The following HS2ST1 variants were observed in gnomAD, a reference collection of about 807,000 sequenced individuals.
HS2ST1 encodes the protein 2-O-sulfotransferase.
HS2ST1 carries 18 observed loss-of-function variants against 42.9 expected under a neutral mutation model. The observed-to-expected ratio is 0.42, with a 90% CI of 0.29 to 0.62. HS2ST1 has a LOEUF of 0.62. Among genes scored for constraint, HS2ST1 ranks in the 20% least tolerant of loss-of-function variants. The probability of loss-of-function intolerance (pLI) is 0.21; values close to 1 mark genes in which losing one functional copy is unlikely to be tolerated. For missense variants in HS2ST1, 334 were observed against 433.8 expected (o/e 0.77, Z 2.04); for synonymous variants, 146 against 152.9 (o/e 0.95, Z 0.33).
chr1:87,077,453 T>C (rs1225344665), intron 2 of HS2ST1, among the ~76,000 whole-genome samples: 1 of 152,202 alleles, frequency 6.6e-6, no homozygotes, highest in African/African-American at 2.4e-5. Context: ...GTTGGCTTCA[T>C]GTTATCCATT....
In HS2ST1 at chr1:86,980,559, A is replaced by T. The variant is rs1253123253; in HGVS notation, c.124+65399A>T. 5.3e-5 allele frequency among the ~76,000 whole-genome samples: 8 copies of T among 152,250 alleles called. No homozygotes were observed. In the East Asian group the frequency reaches 1.2e-3, roughly 22 times the overall value. Reference sequence around the variant, plus strand: ...ATAATTACATAAACAATAAATTAATAATTTAGGGATGATGTTTAATTTGAC... The same window carrying T: ...ATAATTACATAAACAATAAATTAATTATTTAGGGATGATGTTTAATTTGAC... On this transcript the variant is annotated intron_variant, in intron 1 of 6. Coordinates refer to ENST00000370550, the MANE Select transcript of HS2ST1 (RefSeq NM_012262.4).
chr1:87,093,009 A>G (rs1313857926), intron 4 of HS2ST1, among the ~76,000 whole-genome samples: 1 of 152,006 alleles, frequency 6.6e-6, no homozygotes, highest in Non-Finnish European at 1.5e-5. Context: ...ATGGCAGTTT[A>G]TATTTGTGAT....
intron 1 of HS2ST1, among the ~76,000 whole-genome samples, chr1:87,044,118 G>A (rs1650585757): frequency 1.3e-5 from 2 of 151,852 alleles, no homozygotes; most frequent in Non-Finnish European, 2.9e-5. Context: ...TTTGAAATGC[G>A]GCATTATTTT....
chr1:86,990,832 ATATATTTT>A (rs1557506881), intron 1 of HS2ST1, among the ~76,000 whole-genome samples: 2 of 17,784 alleles, frequency 1.1e-4, no homozygotes, highest in Non-Finnish European at 3.8e-4. Context: ...ATATATATAT[ATATATTTT>A]TTTTTTTTTT....
intron 1 of HS2ST1, among the ~76,000 whole-genome samples, chr1:86,989,653 G>T (rs1377471876): frequency 6.6e-6 from 1 of 152,138 alleles, no homozygotes; most frequent in Non-Finnish European, 1.5e-5. Flanking sequence ...CACGTGCCAT[G>T]GTGGTTTGCA....
chr1:86,931,136 C>T (rs1158126172), intron 1 of HS2ST1, among the ~76,000 whole-genome samples: 2 of 151,946 alleles, frequency 1.3e-5, no homozygotes, highest in Admixed American at 1.3e-4. Flanking sequence ...AGAGTTTTGA[C>T]TATGTACATG....
chr1:87,052,121 C>T (rs937732805), intron 1 of HS2ST1, among the ~76,000 whole-genome samples: 1 of 152,080 alleles, frequency 6.6e-6, no homozygotes, highest in Non-Finnish European at 1.5e-5. Context: ...GGCATGATAG[C>T]GCACACCTGT....
At chr1:86,986,195 T>G (rs1648780982) in intron 1 of HS2ST1, among the ~76,000 whole-genome samples, 2 of 152,146 alleles carry the variant, frequency 1.3e-5, no homozygotes, top group Admixed American at 6.5e-5. Flanking sequence ...TGATTTAAGG[T>G]TTATCAGTGG....
chr1:87,069,177 A>C (rs2100631369), intron 1 of HS2ST1, among the ~76,000 whole-genome samples: 1 of 152,320 alleles, frequency 6.6e-6, no homozygotes, highest in South Asian at 2.1e-4. Flanking sequence ...AAGCAGGCAC[A>C]CTCAGTGTAA....
At chr1:87,095,661 T>A (rs1337764892) in intron 4 of HS2ST1, among the ~76,000 whole-genome samples, 2 of 152,206 alleles carry the variant, frequency 1.3e-5, no homozygotes, top group Admixed American at 6.5e-5. Context: ...TCAGTGGTTC[T>A]CAAACTTTTT....
intron 1 of HS2ST1, among the ~76,000 whole-genome samples, chr1:86,917,518 C>CA (rs5775926): frequency 0.15 from 19,203 of 131,104 alleles, 2,017 homozygotes; most frequent in African/African-American, 0.32. Flanking sequence ...GACTCAGTCT[C>CA]AAAAAAAAAA....
chr1:86,963,747 C>G lies in HS2ST1; in HGVS notation c.124+48587C>G, dbSNP rs1273145142. On this transcript the variant is annotated intron_variant, in intron 1 of 6. Transcript: ENST00000370550. The stretch of plus-strand genomic sequence containing the variant: ...GAAGGGGCGGCCAGGCAGAGGCGCC[C>G]CCCCCCCCACCTCCCGGACGGGGCA... Among the ~76,000 whole-genome samples, 3 of 146,972 alleles carry G rather than the reference C, an allele frequency of 2.0e-5. No homozygotes were observed. In the East Asian group the frequency reaches 6.2e-4, roughly 30 times the overall value.
chr1:86,964,634 G>T (rs1277198979), intron 1 of HS2ST1, among the ~76,000 whole-genome samples: 1 of 152,256 alleles, frequency 6.6e-6, no homozygotes, highest in Non-Finnish European at 1.5e-5. Context: ...CTTGGAAAGA[G>T]AGGGAGACCG....
chr1:86,970,712 T>C (rs1376956432), intron 1 of HS2ST1, among the ~76,000 whole-genome samples: 1 of 152,204 alleles, frequency 6.6e-6, no homozygotes, highest in Non-Finnish European at 1.5e-5. Flanking sequence ...TTATTTAATT[T>C]TTCCGGTGAT....
chr1:87,083,535 G>GACATATTAA (rs1651741406), intron 2 of HS2ST1, among the ~76,000 whole-genome samples: 1 of 152,008 alleles, frequency 6.6e-6, no homozygotes, highest in African/African-American at 2.4e-5. Context: ...ACCAGTTTTA[G>GACATATTAA]ACATATTAAA....
At chr1:87,014,886 A>G (rs952384237) in intron 1 of HS2ST1, among the ~76,000 whole-genome samples, 13 of 152,200 alleles carry the variant, frequency 8.5e-5, no homozygotes, top group African/African-American at 2.9e-4. Flanking sequence ...TTGTCTTCCT[A>G]ACTTCTATAA....
At chr1:87,068,519 T>C (rs996516134) in intron 1 of HS2ST1, among the ~76,000 whole-genome samples, 12 of 152,230 alleles carry the variant, frequency 7.9e-5, no homozygotes, top group African/African-American at 2.9e-4. Context: ...ACAATATGAC[T>C]TCCTCTTTTC....
intron 1 of HS2ST1, among the ~76,000 whole-genome samples, chr1:86,951,929 C>A (rs1647532321): frequency 6.6e-6 from 1 of 152,212 alleles, no homozygotes; most frequent in Non-Finnish European, 1.5e-5. Context: ...CTCATTTGTT[C>A]AAGTTTTGTC....
At chr1:87,024,125 G>C (rs915859535) in intron 1 of HS2ST1, among the ~76,000 whole-genome samples, 4 of 152,162 alleles carry the variant, frequency 2.6e-5, no homozygotes, top group African/African-American at 9.7e-5. Context: ...GACTTTTGGT[G>C]GTGGTTATGC....
Sources: gnomAD v4.1 joint callset for allele counts (sites outside exome capture counted in the v4.1 genomes callset) on GRCh38, gnomAD v4.1.1 for gene constraint, MANE v1.5 for transcripts, NCBI Gene and HGNC (gene_info 2026-07-23, HGNC 2026-07-21) for gene names.